EFNA5: variants seen among roughly 807,000 people sequenced by gnomAD.
EFNA5 encodes ephrin-A5.
EFNA5 carries 5 observed loss-of-function variants against 22.9 expected under a neutral mutation model. The observed-to-expected ratio is 0.22, with a 90% CI of 0.11 to 0.46. The LOEUF is 0.46. Among genes scored for constraint, EFNA5 ranks in the 20% least tolerant of loss-of-function variants. The pLI is 0.99. For synonymous variants in EFNA5, 113 were observed against 112.2 expected, an observed-to-expected ratio of 1.01 and a Z score of -0.04; for missense variants, 237 against 293.3, an observed-to-expected ratio of 0.81 and a Z score of 1.40.
intron 1 of EFNA5, among the ~76,000 whole-genome samples, chr5:107,549,320 T>G (rs975649163): frequency 6.6e-6 from 1 of 152,348 alleles, no homozygotes; most frequent in East Asian, 1.9e-4. Flanking sequence ...CAGGAAAGAA[T>G]TACATGCTGT....
chr5:107,607,969 C>T (rs1469772040), intron 1 of EFNA5, among the ~76,000 whole-genome samples: 3 of 151,850 alleles, frequency 2.0e-5, no homozygotes, highest in Non-Finnish European at 1.5e-5. Flanking sequence ...GTAGTCCAAG[C>T]GATCTACTCT....
intron 1 of EFNA5, among the ~76,000 whole-genome samples, chr5:107,665,374 T>C (rs140385601): frequency 3.3e-5 from 5 of 152,370 alleles, no homozygotes; most frequent in Non-Finnish European, 2.9e-5. Flanking sequence ...AAGGTTAATT[T>C]GCACCCAAGT....
chr5:107,509,999 A>C (rs1365681403), intron 1 of EFNA5, among the ~76,000 whole-genome samples: 2 of 152,228 alleles, frequency 1.3e-5, no homozygotes, highest in Non-Finnish European at 2.9e-5. Context: ...AATAAGGGCT[A>C]TGTAAAATGA....
At chr5:107,485,056 G>GA (rs201636216) in intron 1 of EFNA5, among the ~76,000 whole-genome samples, 1,914 of 151,794 alleles carry the variant, frequency 0.013, 43 homozygotes, top group African/African-American at 0.045. Flanking sequence ...AGAGAAAAAT[G>GA]AAAAAACAAA....
intron 1 of EFNA5, among the ~76,000 whole-genome samples, chr5:107,611,229 T>A (rs116155674): frequency 1.5e-3 from 231 of 152,196 alleles, no homozygotes; most frequent in African/African-American, 5.3e-3. Context: ...CTGGAAATGC[T>A]ATAGTTTAAG....
chr5:107,572,033 C>T (rs1167839028), intron 1 of EFNA5, among the ~76,000 whole-genome samples: 1 of 152,116 alleles, frequency 6.6e-6, no homozygotes, highest in South Asian at 2.1e-4. Context: ...CGTGGACAGA[C>T]AGTCATACAG....
At chr5:107,511,002 T>TTGTGTGTGTGTGTGTGTG (rs71644591) in intron 1 of EFNA5, among the ~76,000 whole-genome samples, 92 of 140,392 alleles carry the variant, frequency 6.6e-4, no homozygotes, top group African/African-American at 2.3e-3. Flanking sequence ...TTCTTTTTCT[T>TTGTGTGTGTGTGTGTGTG]TGTGTGTGTG....
At chr5:107,551,091 C>A (rs1029147129) in intron 1 of EFNA5, among the ~76,000 whole-genome samples, 2 of 152,128 alleles carry the variant, frequency 1.3e-5, no homozygotes, top group Non-Finnish European at 2.9e-5. Flanking sequence ...TATAATTATG[C>A]GTCCTAACTC....
chr5:107,456,911 G>A (rs539307504), intron 1 of EFNA5, among the ~76,000 whole-genome samples: 26 of 152,048 alleles, frequency 1.7e-4, no homozygotes, highest in Admixed American at 4.6e-4. Flanking sequence ...AACCCTGAAT[G>A]TTCATTCTGA....
intron 1 of EFNA5, among the ~76,000 whole-genome samples, chr5:107,552,426 T>C (rs1270579573): frequency 6.6e-6 from 1 of 152,124 alleles, no homozygotes; most frequent in Non-Finnish European, 1.5e-5. Flanking sequence ...CATCCTCATT[T>C]AATAGGTGAG....
At chr5:107,511,461 C>A (rs1208661066) in intron 1 of EFNA5, among the ~76,000 whole-genome samples, 1 of 152,016 alleles carries the variant, frequency 6.6e-6, no homozygotes, top group Non-Finnish European at 1.5e-5. Flanking sequence ...GGTAGTCAAG[C>A]ATGAAACTGG....
At chr5:107,385,211 T>C (rs17159868) in intron 4 of EFNA5, among the ~76,000 whole-genome samples, 15,689 of 152,200 alleles carry the variant, frequency 0.1, 2,091 homozygotes, top group African/African-American at 0.31. Flanking sequence ...AAGACAGTGG[T>C]ATATGTTCAT....
intron 1 of EFNA5, among the ~76,000 whole-genome samples, chr5:107,483,781 A>G (rs1750546887): frequency 6.6e-6 from 1 of 152,188 alleles, no homozygotes; most frequent in Admixed American, 6.5e-5. Flanking sequence ...ATGCTATGAG[A>G]TACATTTTGG....
chr5:107,416,717 C>T (rs532308416), intron 2 of EFNA5, among the ~76,000 whole-genome samples: 38 of 152,296 alleles, frequency 2.5e-4, no homozygotes, highest in Non-Finnish European at 3.8e-4. Context: ...TGCTTCAAAA[C>T]TGACTGAACT....
chr5:107,617,452 T>G (rs2112525780), intron 1 of EFNA5, among the ~76,000 whole-genome samples: 1 of 152,278 alleles, frequency 6.6e-6, no homozygotes, highest in African/African-American at 2.4e-5. Flanking sequence ...GGAAGTTTGC[T>G]TTCTAATCAG....
intron 1 of EFNA5, among the ~76,000 whole-genome samples, chr5:107,494,171 C>T (rs1212932915): frequency 2.0e-5 from 3 of 152,222 alleles, no homozygotes; most frequent in African/African-American, 7.2e-5. Context: ...CTTCAGCCCA[C>T]CGCTGCACTG....
intron 1 of EFNA5, among the ~76,000 whole-genome samples, chr5:107,623,311 T>A (rs1309852740): frequency 6.6e-6 from 1 of 152,160 alleles, no homozygotes; most frequent in Non-Finnish European, 1.5e-5. Context: ...TTTGTTTTCA[T>A]GCAAATTTAT....
intron 1 of EFNA5, among the ~76,000 whole-genome samples, chr5:107,580,786 GA>G (rs1749055728): frequency 6.7e-6 from 1 of 149,440 alleles, no homozygotes; most frequent in African/African-American, 2.5e-5. Context: ...AAACACCACA[GA>G]AAAATAAGCA....
chr5:107,433,253 A>G (rs1749011997), intron 1 of EFNA5, among the ~76,000 whole-genome samples: 1 of 152,206 alleles, frequency 6.6e-6, no homozygotes, highest in Non-Finnish European at 1.5e-5. Flanking sequence ...ACATTTATGA[A>G]AATTTGGTGG....
Sources: allele counts gnomAD v4.1 joint callset (sites outside exome capture counted in the v4.1 genomes callset), GRCh38; gene constraint gnomAD v4.1.1; transcripts MANE v1.5; gene names NCBI Gene and HGNC (gene_info 2026-07-23, HGNC 2026-07-21).